Variants in ESYT2 observed in about 807,000 individuals in gnomAD.
ESYT2 encodes extended synaptotagmin-2.
A neutral mutation model predicts 107.2 loss-of-function variants in ESYT2; 54 were observed. The ratio of observed to expected loss-of-function variants is 0.50; its 90% CI spans 0.40 to 0.63. The LOEUF (loss-of-function observed/expected upper bound fraction) is 0.63, where lower values mean the gene tolerates loss of function less well. Among genes scored for constraint, ESYT2 ranks in the 30% least tolerant of loss-of-function variants. The probability of loss-of-function intolerance (pLI) is 0.00; values close to 1 mark genes in which losing one functional copy is unlikely to be tolerated. For missense variants in ESYT2, 1,020 were observed against 1,094.5 expected, an observed-to-expected ratio of 0.93 and a Z score of 0.96; for synonymous variants, 491 against 434.1, an observed-to-expected ratio of 1.13 and a Z score of -1.63.
chr7:158,801,732 C>T (rs1471127065), intron 1 of ESYT2, among the ~76,000 whole-genome samples: 6 of 152,100 alleles, frequency 3.9e-5, no homozygotes, highest in African/African-American at 9.6e-5. Flanking sequence ...AATCATTGTA[C>T]GATTATTCAC....
intron 6 of ESYT2, among the ~76,000 whole-genome samples, chr7:158,782,675 C>A (rs1838951845): frequency 6.6e-6 from 1 of 151,940 alleles, no homozygotes; most frequent in Non-Finnish European, 1.5e-5. Context: ...AGTGTGAGAA[C>A]AAATGTGAGA....
At position 158,776,804 on chromosome 7, in the gene ESYT2, T is replaced by G. The variant is rs563297045; in HGVS notation, c.748-3408A>C. ...CACAAGAGGCTTAGCTTTCAGCCTGTGCTGGCTTTCAACATGGCTTCTTCA... is the reference window on the plus strand; with the variant it reads ...CACAAGAGGCTTAGCTTTCAGCCTGGGCTGGCTTTCAACATGGCTTCTTCA... On this transcript the variant is annotated intron_variant, in intron 6 of 22. Transcript: ENST00000275418. Among the ~76,000 whole-genome samples the G allele has an allele frequency of 1.4e-4, 21 of 152,312 alleles. No individual in the cohort carries two copies. In the South Asian group the frequency reaches 4.1e-3, roughly 30 times the overall value.
At chr7:158,737,216 C>G in intron 19 of ESYT2, 37 bp from the exon 20 acceptor site, 2 of 1,598,786 alleles carry the variant, frequency 1.3e-6, no homozygotes, top group Non-Finnish European at 1.7e-6. Context: ...GGTATTAGGA[C>G]CGAGAAAAAG....
At chr7:158,793,764 T>TA (rs111739569) in intron 3 of ESYT2, 38 bp from the exon 4 acceptor site, 7,596 of 1,253,022 alleles carry the variant, frequency 6.1e-3, no homozygotes, top group Non-Finnish European at 6.6e-3. Context: ...ATACAGAGGT[T>TA]AAAAAAAAAA....
At chr7:158,799,358 T>C (rs1190328844) in intron 1 of ESYT2, among the ~76,000 whole-genome samples, 3 of 152,204 alleles carry the variant, frequency 2.0e-5, no homozygotes, top group Non-Finnish European at 4.4e-5. Context: ...CACTGGAATC[T>C]GAAACATCAT....
chr7:158,737,024 C>T (rs776900417), intron 20 of ESYT2, 24 bp downstream of exon 20: 18 of 1,611,296 alleles, frequency 1.1e-5, no homozygotes, highest in Admixed American at 8.3e-5. Flanking sequence ...GGCAGTCTAT[C>T]CTCAGCTGGA....
At chr7:158,778,762 G>A (rs1459559872) in intron 6 of ESYT2, among the ~76,000 whole-genome samples, 1 of 151,880 alleles carries the variant, frequency 6.6e-6, no homozygotes, top group African/African-American at 2.4e-5. Flanking sequence ...CATGTTTGCA[G>A]TTGATGCAAA....
At chr7:158,793,050 G>T (rs111411070) in intron 4 of ESYT2, among the ~76,000 whole-genome samples, 3,180 of 151,708 alleles carry the variant, frequency 0.021, 110 homozygotes, top group African/African-American at 0.071. Context: ...TTACAGGCAT[G>T]AGCCACCACG....
intron 1 of ESYT2, among the ~76,000 whole-genome samples, chr7:158,827,343 ACT>A (rs1840487382): frequency 6.6e-6 from 1 of 151,856 alleles, no homozygotes; most frequent in African/African-American, 2.4e-5. Context: ...ATGCTAATGG[ACT>A]CTGTTTTTAG....
chr7:158,763,880 TG>T lies in ESYT2; in HGVS notation c.1102-716del, dbSNP rs1838062272. On this transcript the variant is annotated intron_variant, in intron 9 of 22. Transcript: ENST00000275418. The stretch of plus-strand genomic sequence containing the variant: ...TATCTTGGAATAACCACGAGTTATC[TG>T]CTTAGCACCACTCAGGGTAAGAAAC... Among the ~76,000 whole-genome samples, 5 of 152,182 alleles carry T rather than the reference TG, an allele frequency of 3.3e-5. No homozygotes were observed. In the South Asian group the frequency reaches 1.0e-3, roughly 32 times the overall value.
chr7:158,752,968 G>T, intron 13 of ESYT2, 125 bp from the exon 14 acceptor site: 1 of 513,542 alleles, frequency 1.9e-6, no homozygotes, highest in African/African-American at 2.0e-5. Flanking sequence ...AAAACCACCA[G>T]AATTACACAA....
In ESYT2 at chr7:158,817,785, C is replaced by T. The variant is rs187955182; in HGVS notation, c.330+11304G>A. 9.5e-4 allele frequency among the ~76,000 whole-genome samples: 145 copies of T among 152,316 alleles called. 1 individual carries two copies. The highest frequency in any genetic ancestry group is 3.4e-3 in the Middle Eastern group (1 of 294). ...TTTGGTTTACAGATTAAACTAAATG[C>T]TTTAACAAATATATAACAAAGTTTC... On this transcript the variant is annotated intron_variant, in intron 1 of 22. Coordinates refer to ENST00000275418, the MANE Select transcript of ESYT2 (RefSeq NM_001367773.1).
chr7:158,791,723 G>T (rs1401463351), intron 4 of ESYT2, among the ~76,000 whole-genome samples: 1 of 152,178 alleles, frequency 6.6e-6, no homozygotes, highest in Non-Finnish European at 1.5e-5. Context: ...TATCATCCCT[G>T]GAGAAATGTC....
At chr7:158,789,516 T>G (rs842455) in intron 4 of ESYT2, among the ~76,000 whole-genome samples, 145,911 of 152,218 alleles carry the variant, frequency 0.96, 69,991 homozygotes, top group African/African-American at 0.99. Flanking sequence ...GCCACTACGC[T>G]AATTAATTTT....
At chr7:158,819,844 AAAAG>A (rs1840242413) in intron 1 of ESYT2, among the ~76,000 whole-genome samples, 1 of 152,276 alleles carries the variant, frequency 6.6e-6, no homozygotes, top group South Asian at 2.1e-4. Flanking sequence ...CAAATTAAAA[AAAAG>A]AAACTCAGTT....
intron 6 of ESYT2, among the ~76,000 whole-genome samples, chr7:158,785,936 A>C (rs1182146814): frequency 6.6e-6 from 1 of 152,264 alleles, no homozygotes; most frequent in Non-Finnish European, 1.5e-5. Context: ...AAACCCACAA[A>C]ATAAAAACCT....
At chr7:158,761,386 T>C in intron 11 of ESYT2, 110 bp downstream of exon 11, 1 of 866,098 alleles carries the variant, frequency 1.2e-6, no homozygotes, top group Non-Finnish European at 1.9e-6. Context: ...GCCATACTAA[T>C]TAGGATTCCG....
intron 1 of ESYT2, among the ~76,000 whole-genome samples, chr7:158,820,372 C>CA (rs1397693618): frequency 2.0e-5 from 3 of 152,090 alleles, no homozygotes; most frequent in Non-Finnish European, 4.4e-5. Flanking sequence ...TGTTCCACCA[C>CA]AAAAAATGGT....
At chr7:158,827,621 T>C (rs1208409144) in intron 1 of ESYT2, 2 of 152,198 alleles carry the variant, frequency 1.3e-5, no homozygotes, top group African/African-American at 4.8e-5. Flanking sequence ...TTACATTATA[T>C]TCTTACTCCA....
Sources: allele counts gnomAD v4.1 joint callset (sites outside exome capture counted in the v4.1 genomes callset), GRCh38; gene constraint gnomAD v4.1.1; transcripts MANE v1.5; gene names NCBI Gene and HGNC (gene_info 2026-07-23, HGNC 2026-07-21).